Variants in PSORS1C2 observed in about 807,000 individuals in gnomAD.
PSORS1C2 encodes the protein psoriasis susceptibility 1 candidate gene 2 protein.
PSORS1C2 carries 13 observed loss-of-function variants against 12.2 expected under a neutral mutation model. The observed-to-expected ratio is 1.07, with a 90% CI of 0.70 to 1.70. PSORS1C2 has a LOEUF of 1.70. Among genes scored for constraint, PSORS1C2 ranks in the 40% most tolerant of loss-of-function variants. PSORS1C2 has a pLI of 0.00. For synonymous variants in PSORS1C2, 76 were observed against 69.2 expected (o/e 1.10, Z -0.49); for missense variants, 186 against 173.4 (o/e 1.07, Z -0.41).
intron 1 of PSORS1C2, 95 bp from the exon 2 acceptor site, chr6:31,138,401 G>A: frequency 7.5e-7 from 1 of 1,325,792 alleles, no homozygotes; most frequent in Non-Finnish European, 1.0e-6. Context: ...CTGTCTGGAT[G>A]GACGCAGCCT....
chr6:31,138,769 A>G, intron 1 of PSORS1C2: 1 of 1,614,076 alleles, frequency 6.2e-7, no homozygotes, highest in Non-Finnish European at 8.5e-7. Context: ...GGAGCCAGCA[A>G]ACCATTTCTG....
At position 31,138,257 on chromosome 6, in the gene PSORS1C2, T is replaced by TCGGTCCTCTG. The variant is rs1773258000; in HGVS notation, c.95_104dup (p.Glu36ArgfsTer20). ...GCAATGTTGGGGAGCCTGCCTCCTCTCGGTCCTCTGCGGGTGGGTGAGAGG... is the reference window on the plus strand; with the variant it reads ...GCAATGTTGGGGAGCCTGCCTCCTCTCGGTCCTCTGCGGTCCTCTGCGGGTGGGTGAGAGG... On this transcript the variant is annotated frameshift_variant, in exon 2 of 2. Coordinates refer to ENST00000259845, the MANE Select transcript of PSORS1C2 (RefSeq NM_014069.3). LOFTEE classifies it high-confidence loss of function. The TCGGTCCTCTG allele has an allele frequency of 1.3e-6, 2 of 1,573,150 alleles. No homozygotes were observed. The highest frequency in any genetic ancestry group is 2.2e-5 in the East Asian group (1 of 44,470).
At chr6:31,138,667 C>A in intron 1 of PSORS1C2, 1 of 1,613,260 alleles carries the variant, frequency 6.2e-7, no homozygotes, top group Admixed American at 1.7e-5. Flanking sequence ...CACACAGACC[C>A]CAGCTTTACA....
rs767951305 is a variant in PSORS1C2 at position 31,137,945 on chromosome 6, A to T, written c.*6T>A. On this transcript the variant is annotated 3_prime_UTR_variant, in exon 2 of 2. Coordinates refer to ENST00000259845, the MANE Select transcript of PSORS1C2 (RefSeq NM_014069.3). ...GCCTGGGAACAGAACGGCTGAGGGG[A>T]CTCCATTATCTGTACTCTTCCCGGG... 1.0e-5 allele frequency: 14 copies of T among 1,400,702 alleles called. No individual in the cohort carries two copies. The South Asian group carries it at 2.2e-4, about 22-fold the overall frequency. 86.8% of individuals were successfully genotyped at this position (1,400,702 alleles called of 1,614,324 possible).
intron 1 of PSORS1C2, 62 bp from the exon 2 acceptor site, chr6:31,138,368 G>A: frequency 1.3e-5 from 12 of 910,462 alleles, no homozygotes; most frequent in Admixed American, 3.7e-5. Flanking sequence ...GCCCCACCCA[G>A]CCCCAGCCCC....
Position 31,138,258 on chromosome 6 carries a change from C to G in PSORS1C2, c.104G>C (p.Arg35Pro). ...GHPSHPPAED[R>P]EEAGSPTLPQ... ...CAATGTTGGGGAGCCTGCCTCCTCT[C>G]GGTCCTCTGCGGGTGGGTGAGAGGG... The change falls in exon 2 of 2, where the codon CGA becomes CCA. Residue 35 changes from arginine to proline, a missense_variant. By Grantham distance (103) the Arg-to-Pro change is moderately radical. Transcript: ENST00000259845. 1 of 1,570,900 alleles carries G rather than the reference C, an allele frequency of 6.4e-7. No homozygotes were observed. Among genetic ancestry groups the G allele is most frequent in the Non-Finnish European group, 8.6e-7 (1 of 1,159,174 alleles).
rs1334341925 is a variant in PSORS1C2 at position 31,138,064 on chromosome 6, G to T, written c.298C>A (p.Pro100Thr). Residue 100 changes from proline to threonine, a missense_variant, in exon 2 of 2, where the codon CCT becomes ACT. Pro to Thr is a conservative substitution (Grantham distance 38). Transcript: ENST00000259845. ...GGGGGCTGGGGTCCTGCCGGCCAAG[G>T]GTCGTCAGGCCGGGGAGGTTGAGGA... ...DPPQPPRPDD[P>T]WPAGPQPPEN... The T allele has an allele frequency of 6.5e-7, 1 of 1,544,482 alleles. No individual in the cohort carries two copies. The highest frequency in any genetic ancestry group is 1.4e-5 in the African/African-American group (1 of 72,366).
intron 1 of PSORS1C2, 96 bp from the exon 2 acceptor site, chr6:31,138,402 G>C (rs1052891639): frequency 3.1e-6 from 5 of 1,612,382 alleles, no homozygotes; most frequent in Non-Finnish European, 4.2e-6. Context: ...TGTCTGGATG[G>C]ACGCAGCCTG....
At chr6:31,138,857 A>G in intron 1 of PSORS1C2, 115 bp downstream of exon 1, 1 of 1,604,288 alleles carries the variant, frequency 6.2e-7, no homozygotes, top group Non-Finnish European at 8.5e-7. Context: ...AGCCAGATGC[A>G]CCTTCTGCGT....
At chr6:31,138,353 C>A in intron 1 of PSORS1C2, 47 bp from the exon 2 acceptor site, 1 of 1,597,570 alleles carries the variant, frequency 6.3e-7, no homozygotes. Flanking sequence ...GGGCTTCTCT[C>A]CCCAGCCCCA....
chr6:31,137,905 TG>T lies in PSORS1C2; in HGVS notation c.*45del. 2 of 924,874 alleles carry T rather than the reference TG, an allele frequency of 2.2e-6. No individual in the cohort carries two copies. Among genetic ancestry groups the T allele is most frequent in the Non-Finnish European group, 3.1e-6 (2 of 640,932 alleles). The allele number at this position is 924,874 out of a possible 1,614,324, so 57.3% of individuals were successfully genotyped here. ...GGGGAATCAGAGGGTGGAGAGGGCG[TG>T]GGTGCCTGGAGATGCCTGGGAACAG... On this transcript the variant is annotated 3_prime_UTR_variant, in exon 2 of 2. Transcript: ENST00000259845.
Position 31,138,246 on chromosome 6 carries a change from C to T in PSORS1C2, c.116G>A (p.Gly39Asp), listed in dbSNP as rs1301673011. 12 of 1,567,156 alleles carry T rather than the reference C, an allele frequency of 7.7e-6. No homozygotes were observed. Among genetic ancestry groups the T allele is most frequent in the African/African-American group, 2.7e-5 (2 of 73,424 alleles). ...GGGGCCCTGAGGCAATGTTGGGGAG[C>T]CTGCCTCCTCTCGGTCCTCTGCGGG... ...HPPAEDREEA[G>D]SPTLPQGPPV... is the part of the protein sequence containing the mutation. The change falls in exon 2 of 2, where the codon GGC (glycine) becomes GAC (aspartate). Residue 39 changes from glycine to aspartate, a missense_variant. Coordinates refer to ENST00000259845, the MANE Select transcript of PSORS1C2 (RefSeq NM_014069.3).
rs9278990 is a variant in PSORS1C2 at position 31,138,723 on chromosome 6, T to TCC, written c.55+247_55+248dup. 8.2e-5 allele frequency: 133 copies of TCC among 1,612,926 alleles called. 1 individual carries two copies. The highest frequency in any genetic ancestry group is 6.5e-4 in the Admixed American group (39 of 59,914). On this transcript the variant is annotated intron_variant, in intron 1 of 1. Coordinates refer to ENST00000259845, the MANE Select transcript of PSORS1C2 (RefSeq NM_014069.3). ...CAGATCCCAGCTCCGAGGAAACTCG[T>TCC]CCCCCCCACGTTAATCCTGACCGAC...
rs765075947 is a variant in PSORS1C2 at position 31,138,430 on chromosome 6, A to C, written c.56-124T>G. On this transcript the variant is annotated intron_variant, in intron 1 of 1. Transcript: ENST00000259845. Reference sequence around the variant, plus strand: ...GCAGCCTGAACTGACCCACAAACAGACCAAAAAAGTCACTCTCAAAGAGCT... The same window carrying C: ...GCAGCCTGAACTGACCCACAAACAGCCCAAAAAAGTCACTCTCAAAGAGCT... 19 of 1,612,084 alleles carry C rather than the reference A, an allele frequency of 1.2e-5. 1 individual carries two copies. The South Asian group carries it at 2.1e-4, about 18-fold the overall frequency.
chr6:31,139,021 G>C lies in PSORS1C2; in HGVS notation c.6C>G (p.Ile2Met). The C allele has an allele frequency of 6.2e-7, 1 of 1,614,042 alleles. No individual in the cohort carries two copies. Among genetic ancestry groups the C allele is most frequent in the Non-Finnish European group, 8.5e-7 (1 of 1,179,956 alleles). Residue 2 changes from isoleucine (I) to methionine (M), a missense_variant, in exon 1 of 2, where the codon ATC (isoleucine) becomes ATG (methionine). Physicochemically the swap from Ile to Met is conservative, Grantham distance 10. Coordinates refer to ENST00000259845, the MANE Select transcript of PSORS1C2 (RefSeq NM_014069.3). The surrounding 1 kb of genome is among the most constrained non-coding windows in gnomAD (Gnocchi z 5.2). The part of the protein sequence containing the change: M[I>M]LNWKLLGILV... ...GGATCCCCAGGAGCTTCCAGTTGAG[G>C]ATCATGGCTATGTACTGGCCCCCAA...
rs546185583 is a variant in PSORS1C2 at position 31,138,116 on chromosome 6, C to T, written c.246G>A (p.Trp82Ter). Residue 82 changes from tryptophan to a stop codon, truncating the protein, a stop_gained, in exon 2 of 2, where the codon TGG becomes TGA. Coordinates refer to ENST00000259845, the MANE Select transcript of PSORS1C2 (RefSeq NM_014069.3). LOFTEE classifies it high-confidence loss of function. ...GATCCGTTCTAGGCGGTTCAGGGAG[C>T]CAGACTCCAGTTTCAGGCAGGTCTC... is the stretch of plus-strand genomic sequence containing the variant. ...PWRDLPETGVWLPEPPRTDPP... is the reference protein window; with the variant it reads ...PWRDLPETGV 3 of 1,603,702 alleles carry T rather than the reference C, an allele frequency of 1.9e-6. No individual in the cohort carries two copies. Among genetic ancestry groups the T allele is most frequent in the East Asian group, 2.2e-5 (1 of 44,824 alleles).
rs1279299541 is a variant in PSORS1C2, at chr6:31,137,994, T to C, written c.368A>G (p.Gln123Arg). 2 of 1,514,988 alleles carry C rather than the reference T, an allele frequency of 1.3e-6. No individual in the cohort carries two copies. The highest frequency in any genetic ancestry group is 1.8e-6 in the Non-Finnish European group (2 of 1,133,890). The allele number at this position is 1,514,988 out of a possible 1,614,324, so 93.8% of individuals were successfully genotyped here. ...PPAPEVDNRP[Q>R]EEPDLDPPRE... is the part of the protein sequence containing the mutation. ...GGGTGGGTCTAGGTCTGGCTCCTCC[T>C]GAGGTCGGTTGTCCACCTCAGGGGC... Residue 123 changes from glutamine (Q) to arginine (R), a missense_variant, in exon 2 of 2, where the codon CAG (glutamine) becomes CGG (arginine). Coordinates refer to ENST00000259845, the MANE Select transcript of PSORS1C2 (RefSeq NM_014069.3).
chr6:31,138,615 G>T, intron 1 of PSORS1C2: 1 of 1,612,494 alleles, frequency 6.2e-7, no homozygotes, highest in Non-Finnish European at 8.5e-7. Flanking sequence ...TTGTCCTCAG[G>T]CCAACCTGCA....
Position 31,137,642 on chromosome 6 carries a change from C to T in PSORS1C2, c.*309G>A, listed in dbSNP as rs1171949664. ...CAGAAGGGAACACAGTACCATAGCC[C>T]TGCCCCAGCGATCGCGCGGGCAGGA... On this transcript the variant is annotated 3_prime_UTR_variant, in exon 2 of 2. Transcript: ENST00000259845. 2.9e-6 allele frequency: 1 copy of T among 346,620 alleles called. No individual in the cohort carries two copies. 21.5% of individuals were successfully genotyped at this position (346,620 alleles called of 1,614,324 possible).
Sources: gnomAD v4.1 joint callset for allele counts on GRCh38, gnomAD v4.1.1 for gene constraint, Gnocchi (gnomAD v3.1) non-coding constraint, MANE v1.5 for transcripts, NCBI Gene and HGNC (gene_info 2026-07-23, HGNC 2026-07-21) for gene names.